The following PREX1 variants were observed in gnomAD, a reference collection of about 807,000 sequenced individuals.
The protein encoded by PREX1 is phosphatidylinositol 3,4,5-trisphosphate-dependent Rac exchanger 1 protein.
PREX1 carries 41 observed loss-of-function variants against 198.3 expected under a neutral mutation model. That is an observed-to-expected ratio of 0.21 (90% CI 0.16 to 0.27). PREX1 has a LOEUF of 0.27. PREX1 is among the 10% of genes least tolerant of loss of function. PREX1 has a pLI of 1.00. For synonymous variants in PREX1, 843 were observed against 887.2 expected (o/e 0.95, Z 0.89); for missense variants, 1,620 against 2,200.7 (o/e 0.74, Z 5.28).
At chr20:48,881,737 G>A in the PREX1 span, among the ~76,000 whole-genome samples, 1 of 152,122 alleles carries the variant, frequency 6.6e-6, no homozygotes, top group Non-Finnish European at 1.5e-5. Context: ...TGCCCACCTT[G>A]CCCTCCCAAA....
At chr20:48,760,349 T>G (rs148777514) in intron 1 of PREX1, among the ~76,000 whole-genome samples, 2 of 152,172 alleles carry the variant, frequency 1.3e-5, no homozygotes, top group Admixed American at 6.5e-5. Flanking sequence ...TCTATTATTA[T>G]AGACTGCCTG....
chr20:48,801,323 G>A (rs2090385752), intron 1 of PREX1, among the ~76,000 whole-genome samples: 1 of 152,188 alleles, frequency 6.6e-6, no homozygotes, highest in Non-Finnish European at 1.5e-5. Flanking sequence ...GTCTAATTCT[G>A]AGAAGCTGGC....
chr20:48,835,230 T>C, the PREX1 span, among the ~76,000 whole-genome samples: 1 of 152,326 alleles, frequency 6.6e-6, no homozygotes, highest in South Asian at 2.1e-4. Context: ...GTGTAAATAA[T>C]CATTGAATGA....
intron 27 of PREX1, 134 bp downstream of exon 27, chr20:48,644,275 A>G: frequency 1.4e-6 from 1 of 729,678 alleles, no homozygotes; most frequent in Non-Finnish European, 2.2e-6. Flanking sequence ...GAATGGAAGG[A>G]AATCAAGTAC....
chr20:48,669,549 T>C (rs997273584), intron 14 of PREX1, among the ~76,000 whole-genome samples: 3 of 150,678 alleles, frequency 2.0e-5, no homozygotes, highest in African/African-American at 7.3e-5. Context: ...GCACAAAAAG[T>C]GGAAGGAAGG....
chr20:48,650,897 C>T lies in PREX1; in HGVS notation c.2814G>A (p.Gln938=). The T allele has an allele frequency of 6.2e-7, 1 of 1,614,138 alleles. No individual in the cohort carries two copies. The highest frequency in any genetic ancestry group is 1.1e-5 in the South Asian group (1 of 91,084). Residue 938 remains glutamine (Q), a synonymous_variant, in exon 23 of 40, where the codon CAG becomes CAA. Coordinates refer to ENST00000371941, the MANE Select transcript of PREX1 (RefSeq NM_020820.4). ...CCCGGAGGGAGCACGCAGGCACCTC[C>T]TGGTAGCAGGCAATCCTCTGGCCAA... The part of the protein sequence containing the change: ...ESIGQRIACY[Q]EFAAQLKSRV...
Position 48,651,421 on chromosome 20 carries a change from C to A in PREX1, c.2630G>T (p.Arg877Leu). The change falls in exon 22 of 40, where the codon CGC becomes CTC. Residue 877 changes from arginine to leucine, a missense_variant. By Grantham distance (102) the Arg-to-Leu change is moderately radical. Coordinates refer to ENST00000371941, the MANE Select transcript of PREX1 (RefSeq NM_020820.4). Reference protein sequence around the residue: ...CHVLEKIVEPRGCFGLTAKIL... With the variant: ...CHVLEKIVEPLGCFGLTAKIL... ...CTTGGCGGTGAGGCCGAAGCAGCCG[C>A]GGGGCTCCACGATCTTCTCCAGCAC... is the stretch of plus-strand genomic sequence containing the variant. 6.2e-7 allele frequency: 1 copy of A among 1,610,062 alleles called. No homozygotes were observed. Among genetic ancestry groups the A allele is most frequent in the Non-Finnish European group, 8.5e-7 (1 of 1,177,248 alleles).
the PREX1 span, among the ~76,000 whole-genome samples, chr20:48,849,219 T>C: frequency 1.3e-5 from 2 of 151,926 alleles, no homozygotes; most frequent in East Asian, 3.9e-4. Context: ...CATGTCAGAG[T>C]ATTCCTCTGT....
Position 48,700,734 on chromosome 20 carries a change from C to A in PREX1, c.917+19G>T, listed in dbSNP as rs745982824. ...GAAGGCAGCAGGCCAGACCCCATCC[C>A]AGCCTCCTGGCCACTCACCTGGATT... On this transcript the variant is annotated intron_variant, in intron 7 of 39. Transcript: ENST00000371941. The A allele has an allele frequency of 9.9e-6, 16 of 1,612,162 alleles. No homozygotes were observed. Among genetic ancestry groups the A allele is most frequent in the Non-Finnish European group, 1.3e-5 (15 of 1,179,770 alleles).
chr20:48,715,389 T>C (rs1252495475), intron 5 of PREX1, among the ~76,000 whole-genome samples: 1 of 152,230 alleles, frequency 6.6e-6, no homozygotes, highest in African/African-American at 2.4e-5. Flanking sequence ...GTATCAATGA[T>C]AGATTCAGGC....
chr20:48,744,414 CGT>C (rs1273781075), intron 3 of PREX1, among the ~76,000 whole-genome samples: 1 of 152,150 alleles, frequency 6.6e-6, no homozygotes, highest in Non-Finnish European at 1.5e-5. Context: ...ATCTCGTGCC[CGT>C]GAGGCTAGCT....
At chr20:48,641,125 G>A (rs1291956534) in intron 29 of PREX1, among the ~76,000 whole-genome samples, 11 of 152,248 alleles carry the variant, frequency 7.2e-5, no homozygotes. Flanking sequence ...GGGTAAATGG[G>A]AGGAGAGGTA....
chr20:48,775,078 G>A (rs983782447), intron 1 of PREX1, among the ~76,000 whole-genome samples: 15 of 152,122 alleles, frequency 9.9e-5, no homozygotes, highest in African/African-American at 3.1e-4. Flanking sequence ...TTCCACCACC[G>A]CACACGCTGC....
chr20:48,795,601 A>G (rs2090358588), intron 1 of PREX1, among the ~76,000 whole-genome samples: 1 of 152,190 alleles, frequency 6.6e-6, no homozygotes, highest in Admixed American at 6.5e-5. Context: ...TGAGAAATCC[A>G]GAAGAAAAAG....
chr20:48,659,311 AAAG>A (rs1335658696), intron 16 of PREX1, among the ~76,000 whole-genome samples: 1 of 147,636 alleles, frequency 6.8e-6, no homozygotes, highest in East Asian at 2.1e-4. Flanking sequence ...AGAAAAGAGA[AAAG>A]AAAGAAGAGA....
chr20:48,776,166 T>G (rs1053389566), intron 1 of PREX1, among the ~76,000 whole-genome samples: 2 of 151,612 alleles, frequency 1.3e-5, no homozygotes, highest in Non-Finnish European at 2.9e-5. Flanking sequence ...ATTTTCCCCC[T>G]CTGTAAAATG....
intron 1 of PREX1, among the ~76,000 whole-genome samples, chr20:48,820,029 G>A (rs929379919): frequency 4.6e-5 from 7 of 152,302 alleles, no homozygotes; most frequent in South Asian, 2.1e-4. Context: ...CCCCAGTCCC[G>A]CCAGCCTGAA....
At chr20:48,846,317 G>A in the PREX1 span, among the ~76,000 whole-genome samples, 3 of 152,284 alleles carry the variant, frequency 2.0e-5, no homozygotes, top group South Asian at 2.1e-4. Flanking sequence ...ATTTCACGGC[G>A]GAGAGGAAAG....
chr20:48,700,329 T>TA (rs1167076966), intron 7 of PREX1, among the ~76,000 whole-genome samples: 1 of 152,232 alleles, frequency 6.6e-6, no homozygotes, highest in African/African-American at 2.4e-5. Flanking sequence ...CACAGGTAGC[T>TA]ACTGGGCACT....
Sources: allele counts gnomAD v4.1 joint callset (sites outside exome capture counted in the v4.1 genomes callset), GRCh38; gene constraint gnomAD v4.1.1; transcripts MANE v1.5; gene names NCBI Gene and HGNC (gene_info 2026-07-23, HGNC 2026-07-21).